The following NBAS variants were observed in gnomAD, a reference collection of about 807,000 sequenced individuals.
The protein encoded by NBAS is NAG/BC035112 fusion.
Under a neutral mutation model 302.5 loss-of-function variants are expected in NBAS, and 219 were observed. The ratio of observed to expected loss-of-function variants is 0.72; its 90% CI spans 0.65 to 0.81. NBAS has a LOEUF of 0.81. NBAS is among the 30% of genes least tolerant of loss of function. NBAS has a pLI of 0.00. For synonymous variants in NBAS, 1,118 were observed against 1,021.6 expected, an observed-to-expected ratio of 1.09 and a Z score of -1.80; for missense variants, 2,932 against 2,841.6, an observed-to-expected ratio of 1.03 and a Z score of -0.72.
At chr2:14,988,642 A>G in the NBAS span, among the ~76,000 whole-genome samples, 1 of 152,228 alleles carries the variant, frequency 6.6e-6, no homozygotes, top group Non-Finnish European at 1.5e-5. Flanking sequence ...AAACATGCTG[A>G]AGAGCTAATT....
chr2:15,154,540 C>T, the NBAS span, among the ~76,000 whole-genome samples: 1 of 152,226 alleles, frequency 6.6e-6, no homozygotes, highest in Non-Finnish European at 1.5e-5. Flanking sequence ...TTCGCACTTA[C>T]TGTGTACCTT....
At chr2:14,859,539 C>T in the NBAS span, among the ~76,000 whole-genome samples, 1 of 151,910 alleles carries the variant, frequency 6.6e-6, no homozygotes, top group African/African-American at 2.4e-5. Context: ...CACACATTTA[C>T]AGACAACTCA....
chr2:15,045,516 GT>G, the NBAS span, among the ~76,000 whole-genome samples: 199 of 151,852 alleles, frequency 1.3e-3, no homozygotes, highest in Middle Eastern at 6.8e-3. Context: ...GTTTTGTTTT[GT>G]TTTTTTAATT....
At chr2:15,009,138 A>C in the NBAS span, among the ~76,000 whole-genome samples, 2 of 152,220 alleles carry the variant, frequency 1.3e-5, no homozygotes, top group African/African-American at 2.4e-5. Context: ...AATGTCATAA[A>C]TTCTGATAAG....
At chr2:14,911,196 T>G in the NBAS span, among the ~76,000 whole-genome samples, 1 of 152,232 alleles carries the variant, frequency 6.6e-6, no homozygotes, top group African/African-American at 2.4e-5. Context: ...TCAAGATCAC[T>G]CAACTTAGCT....
the NBAS span, among the ~76,000 whole-genome samples, chr2:14,987,791 A>G: frequency 2.2e-4 from 34 of 152,292 alleles, no homozygotes; most frequent in African/African-American, 7.7e-4. Flanking sequence ...AAAAAATTCA[A>G]TTCACCCAAA....
At chr2:14,891,830 A>G in the NBAS span, among the ~76,000 whole-genome samples, 1 of 152,184 alleles carries the variant, frequency 6.6e-6, no homozygotes, top group Non-Finnish European at 1.5e-5. Context: ...AGCTTTACTT[A>G]CTTTACCTTC....
the NBAS span, among the ~76,000 whole-genome samples, chr2:14,952,798 G>A: frequency 6.6e-6 from 1 of 152,206 alleles, no homozygotes; most frequent in Non-Finnish European, 1.5e-5. Context: ...CAGAATTCCT[G>A]TTATATCCCA....
intron 31 of NBAS, among the ~76,000 whole-genome samples, chr2:15,367,869 T>G (rs908095903): frequency 5.3e-5 from 8 of 152,218 alleles, no homozygotes; most frequent in Admixed American, 4.6e-4. Flanking sequence ...CTATACTCTT[T>G]GCTGAGGTTA....
intron 51 of NBAS, among the ~76,000 whole-genome samples, chr2:15,176,830 T>C (rs1664564406): frequency 6.6e-6 from 1 of 152,192 alleles, no homozygotes; most frequent in Admixed American, 6.5e-5. Context: ...TGGGGGGAAC[T>C]GGGTGAAGAA....
chr2:14,873,067 G>T, the NBAS span, among the ~76,000 whole-genome samples: 1 of 152,266 alleles, frequency 6.6e-6, no homozygotes, highest in South Asian at 2.1e-4. Flanking sequence ...AGGCTAGCTC[G>T]GGTGGACTGC....
the NBAS span, among the ~76,000 whole-genome samples, chr2:15,030,026 G>A: frequency 3.3e-5 from 5 of 152,254 alleles, no homozygotes; most frequent in South Asian, 6.2e-4. Flanking sequence ...TCTGAAAGGC[G>A]AACTTTTTAG....
At chr2:15,168,354 A>G (rs1001713955) in intron 51 of NBAS, among the ~76,000 whole-genome samples, 1 of 152,216 alleles carries the variant, frequency 6.6e-6, no homozygotes, top group Non-Finnish European at 1.5e-5. Context: ...GCGAAGGTCA[A>G]CTGTGTCTAC....
At chr2:15,361,474 C>T (rs191503912) in intron 32 of NBAS, among the ~76,000 whole-genome samples, 5 of 151,496 alleles carry the variant, frequency 3.3e-5, no homozygotes, top group Admixed American at 3.3e-4. Flanking sequence ...GATCGCACCA[C>T]CGCACTCCAG....
the NBAS span, among the ~76,000 whole-genome samples, chr2:14,997,453 G>GT: frequency 0.03 from 4,232 of 141,958 alleles, 157 homozygotes; most frequent in African/African-American, 0.088. Context: ...CCCTGTGCTT[G>GT]TTTTTTTTTT....
chr2:15,183,477 G>A (rs1194374034), intron 50 of NBAS, among the ~76,000 whole-genome samples: 1 of 152,204 alleles, frequency 6.6e-6, no homozygotes, highest in Non-Finnish European at 1.5e-5. Flanking sequence ...CTCATCCCGA[G>A]AGAATTACAC....
At chr2:15,403,329 A>G (rs1350489790) in intron 25 of NBAS, among the ~76,000 whole-genome samples, 2 of 152,190 alleles carry the variant, frequency 1.3e-5, no homozygotes, top group African/African-American at 4.8e-5. Flanking sequence ...AAGCTGTTGA[A>G]TTAAAGGATT....
At chr2:15,198,237 T>G (rs1329941538) in intron 48 of NBAS, among the ~76,000 whole-genome samples, 1 of 152,198 alleles carries the variant, frequency 6.6e-6, no homozygotes, top group African/African-American at 2.4e-5. Context: ...ATTTAAGGTA[T>G]GCATATATCA....
chr2:15,397,875 T>C lies in NBAS; in HGVS notation c.3072-1400A>G, dbSNP rs72776702. The C allele has an allele frequency of 2.1e-3, 367 of 178,936 alleles. 1 individual carries two copies. Among genetic ancestry groups the C allele is most frequent in the Non-Finnish European group, 3.4e-3 (291 of 86,850 alleles). The allele number at this position is 178,936 out of a possible 1,614,324, so 11.1% of individuals were successfully genotyped here. ...TGGACTTGGAAAATTAAAAATGTCC[T>C]GCTTTGGACAAAAAACCCTCATTAT... On this transcript the variant is annotated intron_variant, in intron 26 of 51. Coordinates refer to ENST00000281513, the MANE Select transcript of NBAS (RefSeq NM_015909.4).
Sources: allele counts gnomAD v4.1 joint callset (sites outside exome capture counted in the v4.1 genomes callset), GRCh38; gene constraint gnomAD v4.1.1; transcripts MANE v1.5; gene names NCBI Gene and HGNC (gene_info 2026-07-23, HGNC 2026-07-21).